GALNTL6: variants seen among roughly 807,000 people sequenced by gnomAD.
GALNTL6 encodes polypeptide N-acetylgalactosaminyltransferase like 6.
A neutral mutation model predicts 73.7 loss-of-function variants in GALNTL6; 46 were observed. The ratio of observed to expected loss-of-function variants is 0.62; its 90% CI spans 0.49 to 0.80. The LOEUF (loss-of-function observed/expected upper bound fraction) is 0.80. Ranked by LOEUF, GALNTL6 falls within the 30% of genes least tolerant of loss-of-function variation. The probability of loss-of-function intolerance (pLI) is 0.00; values close to 1 mark genes in which losing one functional copy is unlikely to be tolerated. For synonymous variants in GALNTL6, 259 were observed against 263.7 expected, an observed-to-expected ratio of 0.98 and a Z score of 0.17; for missense variants, 604 against 755.0, an observed-to-expected ratio of 0.80 and a Z score of 2.34.
chr4:171,949,111 T>C (rs541380421), intron 2 of GALNTL6, among the ~76,000 whole-genome samples: 2 of 152,258 alleles, frequency 1.3e-5, no homozygotes, highest in South Asian at 4.1e-4. Context: ...CCGGTTTCTC[T>C]GCTAATCCCA....
At chr4:172,380,100 T>G in intron 5 of GALNTL6, 1 of 981,208 alleles carries the variant, frequency 1.0e-6, no homozygotes, top group South Asian at 1.3e-5. Flanking sequence ...CGTTGGTGTT[T>G]CCACTGCTCC....
chr4:172,529,788 T>C (rs2444993), intron 5 of GALNTL6, among the ~76,000 whole-genome samples: 150,526 of 151,898 alleles, frequency 0.99, 74,606 homozygotes, highest in Middle Eastern at 1. Flanking sequence ...TGGGCTCAAG[T>C]GATTCTCCTG....
intron 8 of GALNTL6, among the ~76,000 whole-genome samples, chr4:172,913,045 T>G (rs766894298): frequency 2.6e-5 from 4 of 152,130 alleles, no homozygotes; most frequent in Non-Finnish European, 4.4e-5. Context: ...GCAGCAACAT[T>G]TGCCGTTCTG....
At chr4:171,945,008 A>T (rs1471284549) in intron 2 of GALNTL6, among the ~76,000 whole-genome samples, 1 of 152,064 alleles carries the variant, frequency 6.6e-6, no homozygotes, top group African/African-American at 2.4e-5. Flanking sequence ...TGGCAGGACA[A>T]TGTTTGCTGA....
chr4:172,224,626 G>T (rs1232347117), intron 2 of GALNTL6, among the ~76,000 whole-genome samples: 7 of 152,142 alleles, frequency 4.6e-5, no homozygotes, highest in Non-Finnish European at 1.0e-4. Flanking sequence ...AACAGCCCTT[G>T]GGAGGTGCTT....
intron 4 of GALNTL6, among the ~76,000 whole-genome samples, chr4:172,318,725 CAACAACAAAA>C (rs935709345): frequency 8.2e-5 from 5 of 61,150 alleles, no homozygotes; most frequent in African/African-American, 2.6e-4. Context: ...AAAAAACCAA[CAACAACAAAA>C]AACAACAAAA....
chr4:172,000,201 A>T (rs1005477402), intron 2 of GALNTL6, among the ~76,000 whole-genome samples: 3 of 152,214 alleles, frequency 2.0e-5, no homozygotes, highest in African/African-American at 7.2e-5. Flanking sequence ...ATGCTCAATG[A>T]TTATATAAAT....
At chr4:172,821,589 G>A (rs79875187) in intron 7 of GALNTL6, among the ~76,000 whole-genome samples, 7,110 of 152,168 alleles carry the variant, frequency 0.047, 272 homozygotes, top group African/African-American at 0.1. Flanking sequence ...ACTAATGAAG[G>A]GAAATGTCAA....
intron 2 of GALNTL6, among the ~76,000 whole-genome samples, chr4:172,176,359 G>C (rs1459459536): frequency 2.3e-5 from 1 of 42,566 alleles, no homozygotes; most frequent in East Asian, 1.0e-3. Flanking sequence ...AAAAAAAAGA[G>C]TGTATTCAGC....
intron 4 of GALNTL6, among the ~76,000 whole-genome samples, chr4:172,335,125 T>C (rs982379472): frequency 3.9e-5 from 6 of 152,108 alleles, no homozygotes; most frequent in Admixed American, 1.3e-4. Context: ...TTTTTTGTAT[T>C]TTTAGTAGAG....
intron 2 of GALNTL6, among the ~76,000 whole-genome samples, chr4:172,159,247 C>G (rs1734379167): frequency 6.6e-6 from 1 of 152,132 alleles, no homozygotes; most frequent in Admixed American, 6.5e-5. Flanking sequence ...ACAACTGGTA[C>G]AATGTATGAG....
chr4:173,008,915 T>C (rs901933782), intron 10 of GALNTL6, among the ~76,000 whole-genome samples: 7 of 152,184 alleles, frequency 4.6e-5, no homozygotes, highest in African/African-American at 1.7e-4. Context: ...TACAAGGAAG[T>C]GGGTCAAAGT....
chr4:172,840,122 AG>A (rs1395809972), intron 7 of GALNTL6, among the ~76,000 whole-genome samples: 2 of 152,232 alleles, frequency 1.3e-5, no homozygotes, highest in African/African-American at 4.8e-5. Flanking sequence ...TAAATTTAAA[AG>A]CATCCGCAAA....
At chr4:173,014,604 AT>A (rs1159805619) in intron 11 of GALNTL6, among the ~76,000 whole-genome samples, 50 of 152,166 alleles carry the variant, frequency 3.3e-4, no homozygotes, top group African/African-American at 1.2e-3. Flanking sequence ...AAAGAGTCTC[AT>A]TATCAAGACA....
At chr4:172,686,740 C>T (rs1212999865) in intron 5 of GALNTL6, among the ~76,000 whole-genome samples, 1 of 152,166 alleles carries the variant, frequency 6.6e-6, no homozygotes, top group Non-Finnish European at 1.5e-5. Flanking sequence ...CTATGGCCCT[C>T]AAGGAATGTG....
intron 2 of GALNTL6, among the ~76,000 whole-genome samples, chr4:172,055,415 TA>T (rs917962494): frequency 6.6e-6 from 1 of 152,142 alleles, no homozygotes; most frequent in Non-Finnish European, 1.5e-5. Context: ...AGCTCTTTTC[TA>T]AAAAAATAGG....
intron 2 of GALNTL6, among the ~76,000 whole-genome samples, chr4:172,019,811 G>A (rs927427350): frequency 6.6e-6 from 1 of 151,954 alleles, no homozygotes; most frequent in Admixed American, 6.6e-5. Context: ...TTCATTATAG[G>A]CCAAGTGGAC....
At chr4:171,963,091 A>G (rs1739277542) in intron 2 of GALNTL6, among the ~76,000 whole-genome samples, 1 of 150,878 alleles carries the variant, frequency 6.6e-6, no homozygotes, top group South Asian at 2.1e-4. Context: ...TTTTAAAGAG[A>G]AACATAATTG....
intron 5 of GALNTL6, among the ~76,000 whole-genome samples, chr4:172,607,729 C>G (rs917254179): frequency 3.3e-5 from 5 of 152,034 alleles, no homozygotes; most frequent in African/African-American, 1.2e-4. Context: ...GTAAATGTTC[C>G]CTTTCCTTTA....
Sources: gnomAD v4.1 joint callset for allele counts (sites outside exome capture counted in the v4.1 genomes callset) on GRCh38, gnomAD v4.1.1 for gene constraint, MANE v1.5 for transcripts, NCBI Gene and HGNC (gene_info 2026-07-23, HGNC 2026-07-21) for gene names.